Variants in ATP8A1 observed in about 807,000 individuals in gnomAD.
The protein encoded by ATP8A1 is ATPase phospholipid transporting 8A1.
ATP8A1 carries 90 observed loss-of-function variants against 177.7 expected under a neutral mutation model. That is an observed-to-expected ratio of 0.51 (90% CI 0.43 to 0.60). The LOEUF (loss-of-function observed/expected upper bound fraction) is 0.60. Ranked by LOEUF, ATP8A1 falls within the 20% of genes least tolerant of loss-of-function variation. ATP8A1 has a pLI of 0.00. For synonymous variants in ATP8A1, 493 were observed against 485.9 expected (o/e 1.01, Z -0.19); for missense variants, 1,072 against 1,392.8 (o/e 0.77, Z 3.67).
intron 25 of ATP8A1, among the ~76,000 whole-genome samples, chr4:42,480,476 C>T (rs1302415988): frequency 1.3e-5 from 2 of 152,204 alleles, no homozygotes; most frequent in Non-Finnish European, 2.9e-5. Flanking sequence ...CAAAGCCAAA[C>T]ATCTGCTTGG....
chr4:42,575,489 C>T (rs753873550), intron 13 of ATP8A1, 133 bp downstream of exon 13: 3 of 691,802 alleles, frequency 4.3e-6, no homozygotes, highest in Non-Finnish European at 7.5e-6. Flanking sequence ...GTTCATCATG[C>T]ACTAACAAAT....
intron 1 of ATP8A1, among the ~76,000 whole-genome samples, chr4:42,628,851 G>A (rs1166537495): frequency 6.6e-6 from 1 of 152,194 alleles, no homozygotes; most frequent in Non-Finnish European, 1.5e-5. Context: ...ACTCCACTCT[G>A]AGCTGATGTT....
At position 42,448,401 on chromosome 4, in the gene ATP8A1, C is replaced by CT. The variant is rs1226963744; in HGVS notation, c.2897-1758dup. On this transcript the variant is annotated intron_variant, in intron 30 of 36. Transcript: ENST00000381668. ...CTCCCTCCCTCCTTCTCTTTCTTTTCTTTTTTTTTTTTTTGAGATGGAGTC... is the reference window on the plus strand; with the variant it reads ...CTCCCTCCCTCCTTCTCTTTCTTTTCTTTTTTTTTTTTTTTGAGATGGAGTC... Among the ~76,000 whole-genome samples, 17 of 99,568 alleles carry CT rather than the reference C, an allele frequency of 1.7e-4. 2 individuals are homozygous for CT. The highest frequency in any genetic ancestry group is 7.0e-4 in the East Asian group (2 of 2,840). 65.3% of individuals were successfully genotyped at this position (99,568 alleles called of 152,430 possible).
intron 13 of ATP8A1, among the ~76,000 whole-genome samples, chr4:42,575,295 C>T (rs574640338): frequency 1.3e-5 from 2 of 152,178 alleles, no homozygotes; most frequent in Non-Finnish European, 2.9e-5. Context: ...CTTTTCCTCC[C>T]TTCCTGGCTG....
At chr4:42,531,846 C>T (rs1414388169) in intron 20 of ATP8A1, among the ~76,000 whole-genome samples, 3 of 152,052 alleles carry the variant, frequency 2.0e-5, no homozygotes, top group Admixed American at 6.6e-5. Flanking sequence ...GGGCCAGGTG[C>T]GGTGGCTCAC....
intron 20 of ATP8A1, among the ~76,000 whole-genome samples, chr4:42,543,453 A>G (rs572119600): frequency 6.6e-6 from 1 of 152,304 alleles, no homozygotes; most frequent in South Asian, 2.1e-4. Flanking sequence ...TAAGCTGCCA[A>G]TATACCAAAG....
chr4:42,436,116 A>G (rs1317645098), intron 33 of ATP8A1, among the ~76,000 whole-genome samples: 2 of 152,172 alleles, frequency 1.3e-5, no homozygotes, highest in African/African-American at 4.8e-5. Flanking sequence ...CTGAATAGTT[A>G]AAGCTGTGCC....
At chr4:42,492,288 C>T (rs896958931) in intron 24 of ATP8A1, among the ~76,000 whole-genome samples, 3 of 151,758 alleles carry the variant, frequency 2.0e-5, no homozygotes, top group Non-Finnish European at 4.4e-5. Context: ...GATTCTATTC[C>T]CAGAAAGGAA....
At chr4:42,656,137 G>A (rs888476575) in intron 1 of ATP8A1, among the ~76,000 whole-genome samples, 9 of 152,230 alleles carry the variant, frequency 5.9e-5, no homozygotes, top group African/African-American at 2.2e-4. Flanking sequence ...CTGTTGCTCA[G>A]TGTTGACAAC....
chr4:42,475,388 C>G (rs1444653719), intron 25 of ATP8A1, among the ~76,000 whole-genome samples: 1 of 150,586 alleles, frequency 6.6e-6, no homozygotes, highest in East Asian at 2.0e-4. Context: ...TTGTTAACCA[C>G]TATATTATAC....
chr4:42,594,661 G>T (rs556377231), intron 6 of ATP8A1, among the ~76,000 whole-genome samples: 1 of 151,780 alleles, frequency 6.6e-6, no homozygotes, highest in Non-Finnish European at 1.5e-5. Flanking sequence ...TATAAAGGAG[G>T]GATTTACCAA....
intron 33 of ATP8A1, among the ~76,000 whole-genome samples, chr4:42,435,461 A>AAAAAAAAAACAAC (rs1553871738): frequency 7.4e-5 from 9 of 122,346 alleles, no homozygotes; most frequent in Admixed American, 9.0e-5. Context: ...AAAAAAAAAA[A>AAAAAAAAAACAAC]AACAAACTAT....
intron 35 of ATP8A1, among the ~76,000 whole-genome samples, chr4:42,420,489 C>T (rs1214370332): frequency 6.6e-6 from 1 of 152,156 alleles, no homozygotes; most frequent in East Asian, 1.9e-4. Flanking sequence ...CCTTTTTGGG[C>T]TCTCTGGCTT....
chr4:42,443,670 G>C lies in ATP8A1; in HGVS notation c.3018C>G (p.Phe1006Leu). 1.4e-6 allele frequency: 2 copies of C among 1,414,694 alleles called. No individual in the cohort carries two copies. The highest frequency in any genetic ancestry group is 2.0e-6 in the Non-Finnish European group (2 of 998,202). 87.6% of individuals were successfully genotyped at this position (1,414,694 alleles called of 1,614,324 possible). ...TGCTCCCCCATATCGCTATGTGGCT[G>C]AACTGTAGAGCAAGGAAATCTGAGT... Reference protein sequence around the residue: ...AGLETSYWTWFSHIAIWGSIA... With the variant: ...AGLETSYWTWLSHIAIWGSIA... The change falls in exon 33 of 37, where the codon TTC becomes TTG. Residue 1006 changes from phenylalanine (F) to leucine (L), a missense_variant and splice_region_variant. Around this residue, in one of 5 missense-constraint regions of ATP8A1, gnomAD observed 316 missense variants for 459.1 expected, o/e 0.69. Coordinates refer to ENST00000381668, the MANE Select transcript of ATP8A1 (RefSeq NM_006095.2).
rs186479127 is a variant in ATP8A1, at chr4:42,558,433, G to A, written c.1341-2393C>T. On this transcript the variant is annotated intron_variant, in intron 15 of 36. Coordinates refer to ENST00000381668, the MANE Select transcript of ATP8A1 (RefSeq NM_006095.2). ...TCACAGTTAAGGTAAGGAGAACAGA[G>A]CAGGGAACCCACAATGTCATATAAT... 1.2e-4 allele frequency among the ~76,000 whole-genome samples: 19 copies of A among 152,280 alleles called. No homozygotes were observed. In the East Asian group the frequency reaches 3.7e-3, roughly 29 times the overall value.
At chr4:42,651,050 A>G (rs1024903932) in intron 1 of ATP8A1, among the ~76,000 whole-genome samples, 1 of 152,190 alleles carries the variant, frequency 6.6e-6, no homozygotes, top group Non-Finnish European at 1.5e-5. Context: ...GTGATAGTGA[A>G]TAAGTCTCAC....
chr4:42,455,789 T>C (rs1422057486), intron 27 of ATP8A1, among the ~76,000 whole-genome samples, 190 bp from the exon 28 acceptor site: 1 of 152,194 alleles, frequency 6.6e-6, no homozygotes, highest in African/African-American at 2.4e-5. Flanking sequence ...ATTTGTTATT[T>C]ATGTCAGAAT....
chr4:42,483,846 G>A (rs1003897004), intron 25 of ATP8A1, among the ~76,000 whole-genome samples: 6 of 152,178 alleles, frequency 3.9e-5, no homozygotes, highest in African/African-American at 1.2e-4. Context: ...TAGAAAGAAA[G>A]ATACATGAAG....
chr4:42,441,460 A>G (rs765920428), intron 33 of ATP8A1, among the ~76,000 whole-genome samples: 5 of 152,214 alleles, frequency 3.3e-5, no homozygotes, highest in Non-Finnish European at 7.3e-5. Flanking sequence ...CTGAGTTGTA[A>G]TGTAACATAA....
Sources: allele counts gnomAD v4.1 joint callset (sites outside exome capture counted in the v4.1 genomes callset), GRCh38; gene constraint gnomAD v4.1.1; regional missense constraint gnomAD v4.1.1; transcripts MANE v1.5; gene names NCBI Gene and HGNC (gene_info 2026-07-23, HGNC 2026-07-21).